KIRREL3: variants seen among roughly 807,000 people sequenced by gnomAD.
KIRREL3 encodes the protein kin of IRRE-like protein 3.
In KIRREL3, 36 loss-of-function variants were observed where a neutral mutation model predicts 89.7. The ratio of observed to expected loss-of-function variants is 0.40; its 90% CI spans 0.31 to 0.53. The LOEUF (loss-of-function observed/expected upper bound fraction) is 0.53, where lower values mean the gene tolerates loss of function less well. KIRREL3 is among the 20% of genes least tolerant of loss of function. KIRREL3 has a pLI of 0.49. For missense variants in KIRREL3, 864 were observed against 1,056.6 expected, an observed-to-expected ratio of 0.82 and a Z score of 2.53; for synonymous variants, 445 against 441.4, an observed-to-expected ratio of 1.01 and a Z score of -0.10.
At chr11:126,831,029 G>A (rs746991097) in intron 1 of KIRREL3, among the ~76,000 whole-genome samples, 35 of 152,172 alleles carry the variant, frequency 2.3e-4, no homozygotes, top group Non-Finnish European at 1.2e-4. Flanking sequence ...GTGGATCATA[G>A]GAGATTGGGG....
At position 126,624,407 on chromosome 11, in the gene KIRREL3, G is replaced by T. The variant is rs953962228; in HGVS notation, c.56-61495C>A. Among the ~76,000 whole-genome samples the T allele has an allele frequency of 7.2e-5, 11 of 152,224 alleles. No homozygotes were observed. The highest frequency in any genetic ancestry group is 2.7e-4 in the African/African-American group (11 of 41,448). On this transcript the variant is annotated intron_variant, in intron 1 of 16. Coordinates refer to ENST00000525144, the MANE Select transcript of KIRREL3 (RefSeq NM_032531.4). The surrounding 1 kb of genome is among the most constrained non-coding windows in gnomAD (Gnocchi z 6.0). ...CGAAGCATGAATCACTTACACCAGA[G>T]ATGAGAAAAGCACCATCAGGTGCTT... is the stretch of plus-strand genomic sequence containing the variant.
rs1253102783 is a variant in KIRREL3 at position 126,909,510 on chromosome 11, G to A, written c.55+90945C>T. 2.0e-5 allele frequency among the ~76,000 whole-genome samples: 3 copies of A among 152,180 alleles called. No individual in the cohort carries two copies. Among genetic ancestry groups the A allele is most frequent in the Non-Finnish European group, 4.4e-5 (3 of 68,032 alleles). On this transcript the variant is annotated intron_variant, in intron 1 of 16. Coordinates refer to ENST00000525144, the MANE Select transcript of KIRREL3 (RefSeq NM_032531.4). The surrounding 1 kb of genome is among the most constrained non-coding windows in gnomAD (Gnocchi z 4.5). ...TCAGGGCATGGCTCTGAGGATGAGA[G>A]AGTGCTCTGAGTTGAGATACACCGC...
chr11:126,548,584 G>A (rs752489726), intron 2 of KIRREL3, among the ~76,000 whole-genome samples: 3 of 152,224 alleles, frequency 2.0e-5, no homozygotes, highest in African/African-American at 4.8e-5. Context: ...CCCCCATGCC[G>A]ATGCCTCCTT....
At position 126,501,816 on chromosome 11, in the gene KIRREL3, G is replaced by A. The variant is rs1326767832; in HGVS notation, c.433+19499C>T. Among the ~76,000 whole-genome samples the A allele has an allele frequency of 6.6e-6, 1 of 152,118 alleles. No homozygotes were observed. The highest frequency in any genetic ancestry group is 1.5e-5 in the Non-Finnish European group (1 of 68,032). The stretch of plus-strand genomic sequence containing the variant: ...AGTTCAACCCCCACCCACATTGTGA[G>A]CTCCCTGAAGGCAGGTCCATGTCTG... On this transcript the variant is annotated intron_variant, in intron 4 of 16. Transcript: ENST00000525144. The surrounding 1 kb of genome is among the most constrained non-coding windows in gnomAD (Gnocchi z 5.8).
At position 126,685,950 on chromosome 11, in the gene KIRREL3, A is replaced by C. The variant is rs183623816; in HGVS notation, c.56-123038T>G. ...AATCTGCTTCCCATGTGCACAGCTT[A>C]CTCCTTTGCTCCACCCGGCTCTGCC... On this transcript the variant is annotated intron_variant, in intron 1 of 16. Transcript: ENST00000525144. This position sits in a 1 kb window ranked among gnomAD's most constrained non-coding sequence, Gnocchi z 5.5. 2.4e-3 allele frequency among the ~76,000 whole-genome samples: 360 copies of C among 151,842 alleles called. 1 individual carries two copies. The highest frequency in any genetic ancestry group is 3.8e-3 in the Non-Finnish European group (255 of 67,922).
intron 6 of KIRREL3, among the ~76,000 whole-genome samples, chr11:126,460,042 G>A (rs1956492338): frequency 6.6e-6 from 1 of 152,150 alleles, no homozygotes. Flanking sequence ...TGCAGCCCAT[G>A]GTGTCCTTAG....
Position 126,677,030 on chromosome 11 carries a change from C to T in KIRREL3, c.56-114118G>A, listed in dbSNP as rs943398557. 7.3e-5 allele frequency among the ~76,000 whole-genome samples: 11 copies of T among 151,678 alleles called. No homozygotes were observed. Among genetic ancestry groups the T allele is most frequent in the African/African-American group, 1.9e-4 (8 of 41,196 alleles). ...CTTGAACTCCTGGGCTCAAGTGATC[C>T]TCCCGCCTTGGCCTCTCAAAGATTT... On this transcript the variant is annotated intron_variant, in intron 1 of 16. Transcript: ENST00000525144. The surrounding 1 kb of genome is among the most constrained non-coding windows in gnomAD (Gnocchi z 5.1).
At chr11:126,510,142 G>A (rs998670146) in intron 4 of KIRREL3, among the ~76,000 whole-genome samples, 1 of 152,150 alleles carries the variant, frequency 6.6e-6, no homozygotes, top group Non-Finnish European at 1.5e-5. Flanking sequence ...CTGCTCTGGG[G>A]ACAGCTGGAT....
At chr11:126,625,372 G>T (rs1943739223) in intron 1 of KIRREL3, among the ~76,000 whole-genome samples, 1 of 152,126 alleles carries the variant, frequency 6.6e-6, no homozygotes, top group Non-Finnish European at 1.5e-5. Flanking sequence ...CTTCCAAAAA[G>T]GCTCTGTAAA....
rs982481143 is a variant in KIRREL3, at chr11:126,870,820, C to G, written c.55+129635G>C. On this transcript the variant is annotated intron_variant, in intron 1 of 16. Transcript: ENST00000525144. This position sits in a 1 kb window ranked among gnomAD's most constrained non-coding sequence, Gnocchi z 4.4. ...ACTTCCAGTGTAGTTCCTGCACTGC[C>G]CCTCCCCACTTCCAGTGTAGATCTG... Among the ~76,000 whole-genome samples, 2 of 152,162 alleles carry G rather than the reference C, an allele frequency of 1.3e-5. No individual in the cohort carries two copies. Among genetic ancestry groups the G allele is most frequent in the Non-Finnish European group, 2.9e-5 (2 of 68,028 alleles).
chr11:126,706,410 T>G (rs1328913725), intron 1 of KIRREL3, among the ~76,000 whole-genome samples: 1 of 152,338 alleles, frequency 6.6e-6, no homozygotes, highest in East Asian at 1.9e-4. Context: ...TACAATTAGG[T>G]TTTTATCTAG....
intron 1 of KIRREL3, among the ~76,000 whole-genome samples, chr11:126,580,333 C>T (rs1941476643): frequency 6.6e-6 from 1 of 152,192 alleles, no homozygotes; most frequent in African/African-American, 2.4e-5. Context: ...CATGGCTGGG[C>T]TGGCCAGGGA....
At chr11:126,857,411 G>C (rs1235692852) in intron 1 of KIRREL3, among the ~76,000 whole-genome samples, 1 of 152,210 alleles carries the variant, frequency 6.6e-6, no homozygotes, top group African/African-American at 2.4e-5. Flanking sequence ...TATTTGCTTA[G>C]AAAGTCCAAT....
chr11:126,589,870 T>C (rs56857706), intron 1 of KIRREL3, among the ~76,000 whole-genome samples: 40,378 of 151,892 alleles, frequency 0.27, 5,568 homozygotes, highest in South Asian at 0.41. Flanking sequence ...TGGGGCTGGA[T>C]CTTGCCTAGT....
At chr11:126,937,977 G>A (rs1045798728) in intron 1 of KIRREL3, among the ~76,000 whole-genome samples, 3 of 152,136 alleles carry the variant, frequency 2.0e-5, no homozygotes, top group African/African-American at 7.2e-5. Context: ...AGGGCCAAGA[G>A]AACCCCAAAG....
rs11827817 is a variant in KIRREL3, at chr11:126,528,885, C to A, written c.134-2198G>T. Reference sequence around the variant, plus strand: ...AGGGGGTGGGTGGAAAGGACTCCTTCTCTGGCTCCTTTTACTCTAATGATG... The same window carrying A: ...AGGGGGTGGGTGGAAAGGACTCCTTATCTGGCTCCTTTTACTCTAATGATG... On this transcript the variant is annotated intron_variant, in intron 2 of 16. Coordinates refer to ENST00000525144, the MANE Select transcript of KIRREL3 (RefSeq NM_032531.4). The surrounding 1 kb of genome is among the most constrained non-coding windows in gnomAD (Gnocchi z 4.6). Among the ~76,000 whole-genome samples, 30,849 of 150,554 alleles carry A rather than the reference C, an allele frequency of 0.2. 3,428 individuals are homozygous for A. Among genetic ancestry groups the A allele is most frequent in the African/African-American group, 0.24 (9,963 of 40,800 alleles).
Position 126,686,957 on chromosome 11 carries a change from A to C in KIRREL3, c.56-124045T>G, listed in dbSNP as rs149968575. Among the ~76,000 whole-genome samples the C allele has an allele frequency of 4.3e-3, 651 of 152,316 alleles. 4 individuals are homozygous for C. Among genetic ancestry groups the C allele is most frequent in the African/African-American group, 0.015 (624 of 41,566 alleles). On this transcript the variant is annotated intron_variant, in intron 1 of 16. Coordinates refer to ENST00000525144, the MANE Select transcript of KIRREL3 (RefSeq NM_032531.4). The surrounding 1 kb of genome is among the most constrained non-coding windows in gnomAD (Gnocchi z 4.7). ...AGGAAGGTCACATTGAGAAGAGTCA[A>C]ATTCAGAAGGCCTGACAGAGATGAC...
chr11:126,643,868 T>C lies in KIRREL3; in HGVS notation c.56-80956A>G, dbSNP rs1944563989. On this transcript the variant is annotated intron_variant, in intron 1 of 16. Transcript: ENST00000525144. This position sits in a 1 kb window ranked among gnomAD's most constrained non-coding sequence, Gnocchi z 4.5. ...GGAAGAGCAAAGCTGACCCTGAGCA[T>C]TTAGGGAGAAAGAATTGAAAAGATC... Among the ~76,000 whole-genome samples the C allele has an allele frequency of 6.6e-6, 1 of 152,080 alleles. No homozygotes were observed. The highest frequency in any genetic ancestry group is 2.4e-5 in the African/African-American group (1 of 41,416).
chr11:126,915,962 G>T (rs529003773), intron 1 of KIRREL3, among the ~76,000 whole-genome samples: 1 of 152,038 alleles, frequency 6.6e-6, no homozygotes, highest in Admixed American at 6.5e-5. Flanking sequence ...TGCTCTCTTC[G>T]TGCAACCTCC....
Sources: allele counts gnomAD v4.1 joint callset (sites outside exome capture counted in the v4.1 genomes callset), GRCh38; gene constraint gnomAD v4.1.1; non-coding constraint Gnocchi (gnomAD v3.1); transcripts MANE v1.5; gene names NCBI Gene and HGNC (gene_info 2026-07-23, HGNC 2026-07-21).